The following ALPK3 variants were observed in gnomAD, a reference collection of about 807,000 sequenced individuals.
ALPK3 encodes alpha-protein kinase 3.
A neutral mutation model predicts 140.0 loss-of-function variants in ALPK3; 102 were observed. The ratio of observed to expected loss-of-function variants is 0.73; its 90% CI spans 0.62 to 0.86. The LOEUF is 0.86. Ranked by LOEUF, ALPK3 falls within the 40% of genes least tolerant of loss-of-function variation. ALPK3 has a pLI of 0.00. For missense variants in ALPK3, 2,254 were observed against 2,208.2 expected (o/e 1.02, Z -0.42); for synonymous variants, 938 against 898.5 (o/e 1.04, Z -0.79).
chr15:84,867,201 T>A, intron 12 of ALPK3, 116 bp from the exon 13 acceptor site: 61 of 759,212 alleles, frequency 8.0e-5, no homozygotes, highest in Middle Eastern at 8.1e-4. Flanking sequence ...TAAGCCCCCA[T>A]GTCTCCAGCA....
Position 84,839,904 on chromosome 15 carries a change from G to C in ALPK3, c.625G>C (p.Glu209Gln), listed in dbSNP as rs1448545259. The C allele has an allele frequency of 1.9e-6, 3 of 1,613,928 alleles. No individual in the cohort carries two copies. Among genetic ancestry groups the C allele is most frequent in the Non-Finnish European group, 2.5e-6 (3 of 1,179,912 alleles). The change falls in exon 5 of 14, where the codon GAG becomes CAG. Residue 209 changes from glutamate (E) to glutamine (Q), a missense_variant. Glu to Gln is a conservative substitution (Grantham distance 29, BLOSUM62 2). This residue lies in a region of ALPK3 where 2,088 missense variants were observed against 2,022.9 expected (regional missense o/e 1.03). Transcript: ENST00000258888. ...GAAGCACGAGAAGGCGGTGCCTGGG[G>C]AGGTCGACACTCTGCGCAAGCTCAG... Reference protein sequence around the residue: ...SWKHEKAVPGEVDTLRKLSPD... With the variant: ...SWKHEKAVPGQVDTLRKLSPD...
Position 84,859,377 on chromosome 15 carries a change from G to A in ALPK3, c.3952G>A (p.Glu1318Lys), listed in dbSNP as rs142686791. The change falls in exon 7 of 14, where the codon GAG (glutamate) becomes AAG (lysine). Residue 1318 changes from glutamate to lysine, a missense_variant. Physicochemically the swap from Glu to Lys is moderately conservative, Grantham distance 56. Coordinates refer to ENST00000258888, the MANE Select transcript of ALPK3 (RefSeq NM_020778.5). ...GGCCAAGGATCAGCGCCCAGTGGGC[G>A]AGGTGGGCAGGAGGTAAGCCAACGA... ...TWAKDQRPVG[E>K]VGRSAGDEGP... 3.5e-5 allele frequency: 57 copies of A among 1,614,146 alleles called. No individual in the cohort carries two copies. Among genetic ancestry groups the A allele is most frequent in the Non-Finnish European group, 4.6e-5 (54 of 1,180,010 alleles).
rs986248856 is a variant in ALPK3, at chr15:84,857,346, CTTCCT to C, written c.2609_2613del (p.Leu870ArgfsTer7). ...CCAGGAGGTACCCACGATGCCTTCT[CTTCCT>C]GGAACTGGGCTGACAGCTAGCCCAA... On this transcript the variant is annotated frameshift_variant, in exon 6 of 14. Transcript: ENST00000258888. LOFTEE classifies it high-confidence loss of function. 5.0e-6 allele frequency: 8 copies of C among 1,614,040 alleles called. No homozygotes were observed. The highest frequency in any genetic ancestry group is 5.9e-6 in the Non-Finnish European group (7 of 1,180,040).
chr15:84,849,519 A>G (rs1054680444), intron 5 of ALPK3, among the ~76,000 whole-genome samples: 3 of 152,240 alleles, frequency 2.0e-5, no homozygotes, highest in Admixed American at 6.5e-5. Context: ...GGACCATAAT[A>G]TAAATCTTAA....
chr15:84,833,907 C>T (rs1567088198), intron 3 of ALPK3, among the ~76,000 whole-genome samples: 1 of 152,036 alleles, frequency 6.6e-6, no homozygotes, highest in East Asian at 1.9e-4. Flanking sequence ...CTGTCTCCAG[C>T]ACAGGGGCTT....
intron 1 of ALPK3, among the ~76,000 whole-genome samples, chr15:84,820,238 G>A (rs551640813): frequency 1.4e-4 from 21 of 152,284 alleles, no homozygotes; most frequent in African/African-American, 4.6e-4. Context: ...GGTCCAGGTG[G>A]GCTCAGAGAA....
chr15:84,864,621 T>C lies in ALPK3; in HGVS notation c.4679T>C (p.Leu1560Pro). 1.2e-6 allele frequency: 2 copies of C among 1,614,196 alleles called. No homozygotes were observed. The highest frequency in any genetic ancestry group is 2.7e-5 in the African/African-American group (2 of 75,050). Reference protein sequence around the residue: ...MQKCQTFQHWLYQWTNGSFLV... With the variant: ...MQKCQTFQHWPYQWTNGSFLV... The stretch of plus-strand genomic sequence containing the variant: ...AAATGCCAGACCTTCCAACACTGGC[T>C]GTATCAGTGGACAAATGGCAGCTTC... Residue 1560 changes from leucine to proline, a missense_variant, in exon 12 of 14, where the codon CTG becomes CCG. Leu to Pro is a moderately conservative substitution (Grantham distance 98). This residue lies in a region of ALPK3 where 8 missense variants were observed against 25.5 expected (regional missense o/e 0.31). Transcript: ENST00000258888.
At chr15:84,855,984 T>C (rs954164116) in intron 5 of ALPK3, among the ~76,000 whole-genome samples, 1 of 152,098 alleles carries the variant, frequency 6.6e-6, no homozygotes, top group Non-Finnish European at 1.5e-5. Flanking sequence ...CATAATTCTA[T>C]CCAAGGCAAT....
At chr15:84,845,072 C>T (rs754625583) in intron 5 of ALPK3, among the ~76,000 whole-genome samples, 3 of 151,902 alleles carry the variant, frequency 2.0e-5, no homozygotes, top group South Asian at 4.1e-4. Flanking sequence ...AGCAAATAGT[C>T]GCAGACAGAT....
intron 3 of ALPK3, among the ~76,000 whole-genome samples, chr15:84,829,530 G>A (rs188116496): frequency 2.0e-5 from 3 of 152,328 alleles, no homozygotes; most frequent in Non-Finnish European, 4.4e-5. Context: ...GGGCGACTCC[G>A]TTTCTGTAAG....
In ALPK3 at chr15:84,864,533, T is replaced by G; in HGVS notation, c.4591T>G (p.Cys1531Gly). The change falls in exon 12 of 14, where the codon TGT (cysteine) becomes GGT (glycine). Residue 1531 changes from cysteine to glycine, a missense_variant. By Grantham distance (159) the Cys-to-Gly change is radical. Around this residue, in one of 3 missense-constraint regions of ALPK3, gnomAD observed 2,088 missense variants for 2,022.9 expected, o/e 1.03. Coordinates refer to ENST00000258888, the MANE Select transcript of ALPK3 (RefSeq NM_020778.5). ...EDLGKPLESYCSREWGCAEAP... is the reference protein window; with the variant it reads ...EDLGKPLESYGSREWGCAEAP... ...CCTGGGCAAGCCCCTGGAGTCTTAC[T>G]GTTCTCGGGAATGGGGCTGTGCTGA... 1.9e-6 allele frequency: 3 copies of G among 1,614,212 alleles called. No homozygotes were observed. Among genetic ancestry groups the G allele is most frequent in the Non-Finnish European group, 2.5e-6 (3 of 1,180,028 alleles).
At chr15:84,859,663 A>G (rs1963918196) in intron 7 of ALPK3, 113 bp from the exon 8 acceptor site, 3 of 1,430,140 alleles carry the variant, frequency 2.1e-6, no homozygotes, top group Admixed American at 5.5e-5. Context: ...TGCTTCCCCA[A>G]AGCTCTCAGA....
intron 10 of ALPK3, among the ~76,000 whole-genome samples, chr15:84,863,193 A>G (rs1176470299): frequency 2.0e-5 from 3 of 151,890 alleles, no homozygotes; most frequent in Admixed American, 1.3e-4. Flanking sequence ...ATAATCTCTC[A>G]TGGAAGCCTT....
At chr15:84,833,470 G>C (rs919129561) in intron 3 of ALPK3, among the ~76,000 whole-genome samples, 1 of 152,178 alleles carries the variant, frequency 6.6e-6, no homozygotes, top group African/African-American at 2.4e-5. Context: ...GGTTAGACAC[G>C]GGAGCTCTCT....
intron 1 of ALPK3, among the ~76,000 whole-genome samples, chr15:84,821,080 A>T (rs1026533164): frequency 2.0e-5 from 3 of 151,980 alleles, no homozygotes; most frequent in Non-Finnish European, 4.4e-5. Flanking sequence ...TTCTGCCCCA[A>T]TGTTTGATGC....
Position 84,857,469 on chromosome 15 carries a change from A to G in ALPK3, c.2731A>G (p.Thr911Ala). 3 of 1,611,008 alleles carry G rather than the reference A, an allele frequency of 1.9e-6. No homozygotes were observed. Among genetic ancestry groups the G allele is most frequent in the Non-Finnish European group, 2.5e-6 (3 of 1,178,054 alleles). Residue 911 changes from threonine (T) to alanine (A), a missense_variant, in exon 6 of 14, where the codon ACA becomes GCA. Transcript: ENST00000258888. The stretch of plus-strand genomic sequence containing the variant: ...TCAGGTCCTGATGAGTTCTGCCCCA[A>G]CACTGCACCTGGGGCTGGGGACCCC... ...EDQVLMSSAP[T>A]LHLGLGTPTQ...
intron 5 of ALPK3, among the ~76,000 whole-genome samples, chr15:84,850,251 C>T (rs932492056): frequency 8.5e-5 from 13 of 152,248 alleles, no homozygotes; most frequent in Admixed American, 5.2e-4. Context: ...TCCAAACCAG[C>T]ATTCCAGGGC....
rs1963883671 is a variant in ALPK3, at chr15:84,857,726, T to A, written c.2988T>A (p.Thr996=). The A allele has an allele frequency of 1.2e-6, 2 of 1,613,168 alleles. No individual in the cohort carries two copies. The highest frequency in any genetic ancestry group is 1.7e-5 in the Admixed American group (1 of 59,990). The change falls in exon 6 of 14, where the codon ACT becomes ACA. Residue 996 remains threonine (T), a synonymous_variant. Coordinates refer to ENST00000258888, the MANE Select transcript of ALPK3 (RefSeq NM_020778.5). The part of the protein sequence containing the change: ...AATGGLVPSA[T]LTPTVEVAGL... Reference sequence around the variant, plus strand: ...CCGGAGGTCTGGTGCCCTCAGCCACTCTGACACCCACTGTGGAAGTGGCTG... The same window carrying A: ...CCGGAGGTCTGGTGCCCTCAGCCACACTGACACCCACTGTGGAAGTGGCTG...
At position 84,845,505 on chromosome 15, in the gene ALPK3, TG is replaced by T. The variant is rs574496494; in HGVS notation, c.1653+4578del. 6.5e-3 allele frequency among the ~76,000 whole-genome samples: 992 copies of T among 152,174 alleles called. 11 individuals carry two copies. The highest frequency in any genetic ancestry group is 0.023 in the African/African-American group (943 of 41,492). On this transcript the variant is annotated intron_variant, in intron 5 of 13. Transcript: ENST00000258888. Reference sequence around the variant, plus strand: ...CAGAAGACTGAAAAAGGGGGCCCTATGGGGGAAACCGTGGAAAGGGAAAAGC... The same window carrying T: ...CAGAAGACTGAAAAAGGGGGCCCTATGGGGAAACCGTGGAAAGGGAAAAGC...
Sources: gnomAD v4.1 joint callset for allele counts (sites outside exome capture counted in the v4.1 genomes callset) on GRCh38, gnomAD v4.1.1 for gene constraint, gnomAD v4.1.1 regional missense constraint, MANE v1.5 for transcripts, NCBI Gene and HGNC (gene_info 2026-07-23, HGNC 2026-07-21) for gene names.